Variants in RFX3 observed in about 807,000 individuals in gnomAD.
RFX3 encodes transcription factor RFX3.
A neutral mutation model predicts 98.6 loss-of-function variants in RFX3; 14 were observed. The observed-to-expected ratio is 0.14, with a 90% CI of 0.09 to 0.22. The LOEUF (loss-of-function observed/expected upper bound fraction) is 0.22. Among genes scored for constraint, RFX3 ranks in the 10% least tolerant of loss-of-function variants. RFX3 has a pLI of 1.00. For synonymous variants in RFX3, 383 were observed against 328.4 expected, an observed-to-expected ratio of 1.17 and a Z score of -1.80; for missense variants, 639 against 926.9, an observed-to-expected ratio of 0.69 and a Z score of 4.03.
rs1828643197 is a variant in RFX3, at chr9:3,301,394, T to C, written c.549+152A>G. The C allele has an allele frequency of 1.6e-5, 8 of 497,206 alleles. No homozygotes were observed. In the South Asian group the frequency reaches 3.2e-4, roughly 20 times the overall value. 30.8% of individuals were successfully genotyped at this position (497,206 alleles called of 1,614,324 possible). A position where few individuals can be genotyped will look rare whatever the true frequency, so the allele number is the denominator to read the frequency against. ...TTTTTGGATATTTCACTGTACAAAA[T>C]AGCCATTAAATGACACAGAGATCAT... On this transcript the variant is annotated intron_variant, in intron 5 of 16. Transcript: ENST00000617270.
chr9:3,290,139 T>C (rs565527409), intron 6 of RFX3, among the ~76,000 whole-genome samples: 1 of 152,048 alleles, frequency 6.6e-6, no homozygotes, highest in South Asian at 2.1e-4. Flanking sequence ...CCATAGTACT[T>C]ATTTTCTCCT....
At chr9:3,521,147 T>C (rs1818670855) in intron 1 of RFX3, among the ~76,000 whole-genome samples, 1 of 152,180 alleles carries the variant, frequency 6.6e-6, no homozygotes, top group South Asian at 2.1e-4. Context: ...GCTAATCATA[T>C]GAAATTTAAG....
chr9:3,385,863 C>T (rs946803132), intron 2 of RFX3, among the ~76,000 whole-genome samples: 1 of 152,036 alleles, frequency 6.6e-6, no homozygotes, highest in African/African-American at 2.4e-5. Flanking sequence ...ACCCTAATTT[C>T]CTAAAGTCTT....
At chr9:3,413,275 T>A (rs1842614388) in intron 1 of RFX3, among the ~76,000 whole-genome samples, 1 of 152,210 alleles carries the variant, frequency 6.6e-6, no homozygotes, top group African/African-American at 2.4e-5. Flanking sequence ...TAGAACTCTT[T>A]CAGTGCATTC....
intron 3 of RFX3, 94 bp downstream of exon 3, chr9:3,346,573 C>A: frequency 2.5e-6 from 2 of 791,912 alleles, no homozygotes; most frequent in South Asian, 1.5e-5. Context: ...ACTTTGAAAA[C>A]AAGGAAACAA....
intron 15 of RFX3, chr9:3,247,241 A>G (rs1220106361): frequency 8.1e-6 from 7 of 861,432 alleles, no homozygotes; most frequent in East Asian, 2.2e-4. Context: ...TCCTCATTAT[A>G]TTAACCAGCC....
chr9:3,358,580 C>T (rs1010321222), intron 2 of RFX3, among the ~76,000 whole-genome samples: 1 of 151,954 alleles, frequency 6.6e-6, no homozygotes, highest in Non-Finnish European at 1.5e-5. Flanking sequence ...ACCAAGTTAA[C>T]GAATTGACAA....
chr9:3,359,629 A>G (rs1836179546), intron 2 of RFX3, among the ~76,000 whole-genome samples: 1 of 152,184 alleles, frequency 6.6e-6, no homozygotes, highest in South Asian at 2.1e-4. Flanking sequence ...ATGTTCCCAG[A>G]GTTCAGCACG....
At chr9:3,258,546 A>C (rs375623701) in intron 13 of RFX3, among the ~76,000 whole-genome samples, 35 of 152,158 alleles carry the variant, frequency 2.3e-4, no homozygotes, top group African/African-American at 8.2e-4. Flanking sequence ...ATCTCAGCTG[A>C]TGATACTATT....
chr9:3,410,471 G>C (rs1176969716), intron 1 of RFX3, among the ~76,000 whole-genome samples: 1 of 151,944 alleles, frequency 6.6e-6, no homozygotes, highest in Non-Finnish European at 1.5e-5. Flanking sequence ...CTAATTTCTA[G>C]TTTTCCTGGA....
chr9:3,494,830 T>C (rs1469643069), intron 1 of RFX3, among the ~76,000 whole-genome samples: 1 of 152,044 alleles, frequency 6.6e-6, no homozygotes, highest in Non-Finnish European at 1.5e-5. Flanking sequence ...TCTGAAGTTA[T>C]GAAGAAAATG....
At chr9:3,389,366 A>G (rs1840049175) in intron 2 of RFX3, among the ~76,000 whole-genome samples, 1 of 152,182 alleles carries the variant, frequency 6.6e-6, no homozygotes, top group Non-Finnish European at 1.5e-5. Flanking sequence ...CATATTCTAT[A>G]GAGACCCATT....
At chr9:3,510,920 A>C (rs1817610219) in intron 1 of RFX3, among the ~76,000 whole-genome samples, 1 of 152,056 alleles carries the variant, frequency 6.6e-6, no homozygotes, top group African/African-American at 2.4e-5. Flanking sequence ...AGTTAGAATT[A>C]TATATAACCC....
chr9:3,328,549 A>T (rs1175589581), intron 4 of RFX3, among the ~76,000 whole-genome samples: 1 of 152,164 alleles, frequency 6.6e-6, no homozygotes, highest in Non-Finnish European at 1.5e-5. Context: ...GAGACAACAA[A>T]TACACATAAG....
chr9:3,307,810 T>C (rs1015527819), intron 4 of RFX3, among the ~76,000 whole-genome samples: 2 of 152,230 alleles, frequency 1.3e-5, no homozygotes, highest in African/African-American at 4.8e-5. Context: ...ACAAGAGGCC[T>C]TGTGACAACC....
intron 16 of RFX3, among the ~76,000 whole-genome samples, chr9:3,227,118 T>C: frequency 6.6e-6 from 1 of 152,202 alleles, no homozygotes; most frequent in Non-Finnish European, 1.5e-5. Context: ...GTCACACTGC[T>C]TCTCTGCTCC....
intron 3 of RFX3, among the ~76,000 whole-genome samples, chr9:3,346,240 C>A (rs1834429073): frequency 6.6e-6 from 1 of 152,080 alleles, no homozygotes; most frequent in African/African-American, 2.4e-5. Flanking sequence ...ATATCTCATT[C>A]TGAAAATGTT....
chr9:3,460,835 A>G (rs914733333), intron 1 of RFX3, among the ~76,000 whole-genome samples: 1 of 151,904 alleles, frequency 6.6e-6, no homozygotes, highest in African/African-American at 2.4e-5. Flanking sequence ...AGAAAAGACA[A>G]TGCTTCCCTA....
intron 2 of RFX3, among the ~76,000 whole-genome samples, chr9:3,350,093 T>G (rs946724643): frequency 2.6e-5 from 4 of 152,062 alleles, no homozygotes; most frequent in African/African-American, 7.2e-5. Flanking sequence ...ACCAAAGGTG[T>G]AATTCATGGA....
Sources: gnomAD v4.1 joint callset for allele counts (sites outside exome capture counted in the v4.1 genomes callset) on GRCh38, gnomAD v4.1.1 for gene constraint, MANE v1.5 for transcripts, NCBI Gene and HGNC (gene_info 2026-07-23, HGNC 2026-07-21) for gene names.